Variants in SLC25A21 observed in about 807,000 individuals in gnomAD.
SLC25A21 encodes the protein solute carrier family 25 member 21, also known as mitochondrial 2-oxodicarboxylate carrier.
Under a neutral mutation model 43.8 loss-of-function variants are expected in SLC25A21, and 47 were observed. The observed-to-expected ratio is 1.07, with a 90% CI of 0.85 to 1.37. The LOEUF is 1.37. SLC25A21 is among the 40% of genes most tolerant of loss of function. The pLI is 0.00. For missense variants in SLC25A21, 352 were observed against 350.2 expected (o/e 1.00, Z -0.04); for synonymous variants, 131 against 121.3 (o/e 1.08, Z -0.52).
At chr14:37,034,650 G>A (rs1038699313) in intron 1 of SLC25A21, among the ~76,000 whole-genome samples, 31 of 152,130 alleles carry the variant, frequency 2.0e-4, no homozygotes, top group Admixed American at 8.5e-4. Flanking sequence ...AAAAACACCC[G>A]CGTGCATCCA....
In SLC25A21 at chr14:36,680,046, T is replaced by C. The variant is rs1328615756; in HGVS notation, c.*612A>G. On this transcript the variant is annotated 3_prime_UTR_variant, in exon 10 of 10. Transcript: ENST00000331299. ...GAGATATAAAGTAGATGTAGGAAAA[T>C]AGAGCTGATATGTGCATAGTTACTA... 1 of 865,754 alleles carries C rather than the reference T, an allele frequency of 1.2e-6. No individual in the cohort carries two copies. The highest frequency in any genetic ancestry group is 1.2e-4 in the East Asian group (1 of 8,012). 53.6% of individuals were successfully genotyped at this position (865,754 alleles called of 1,614,324 possible).
chr14:36,772,225 T>C (rs1886645883), intron 3 of SLC25A21, among the ~76,000 whole-genome samples: 1 of 152,150 alleles, frequency 6.6e-6, no homozygotes, highest in African/African-American at 2.4e-5. Flanking sequence ...ATATTTCAAG[T>C]GTAGCAGAAG....
At chr14:37,103,019 C>G (rs1962845910) in intron 1 of SLC25A21, among the ~76,000 whole-genome samples, 1 of 151,646 alleles carries the variant, frequency 6.6e-6, no homozygotes, top group Non-Finnish European at 1.5e-5. Context: ...CAAAGTCAAA[C>G]CATACTGTTT....
chr14:37,010,887 G>A (rs955342587), intron 1 of SLC25A21, among the ~76,000 whole-genome samples: 4 of 152,010 alleles, frequency 2.6e-5, no homozygotes, highest in Admixed American at 6.6e-5. Context: ...TGGGACTAGC[G>A]GTACGCACCG....
At chr14:37,019,776 A>G (rs1050912576) in intron 1 of SLC25A21, among the ~76,000 whole-genome samples, 1 of 151,918 alleles carries the variant, frequency 6.6e-6, no homozygotes, top group African/African-American at 2.4e-5. Flanking sequence ...TTGGGGCTGG[A>G]AAGACAGGTA....
At chr14:37,169,795 T>C (rs1964091577) in intron 1 of SLC25A21, among the ~76,000 whole-genome samples, 1 of 152,112 alleles carries the variant, frequency 6.6e-6, no homozygotes, top group African/African-American at 2.4e-5. Flanking sequence ...TATGAAAATG[T>C]TTTTGGCCAA....
At chr14:37,163,358 G>C (rs1214167610) in intron 1 of SLC25A21, among the ~76,000 whole-genome samples, 3 of 151,898 alleles carry the variant, frequency 2.0e-5, no homozygotes, top group Non-Finnish European at 4.4e-5. Context: ...AGTTTGTGGT[G>C]CATTTTTCTG....
intron 2 of SLC25A21, among the ~76,000 whole-genome samples, chr14:36,822,060 A>G (rs943094237): frequency 1.3e-5 from 2 of 152,192 alleles, no homozygotes; most frequent in Non-Finnish European, 2.9e-5. Context: ...GTCCTGCCCT[A>G]TAGAAGAGAA....
intron 1 of SLC25A21, among the ~76,000 whole-genome samples, chr14:37,071,997 C>A (rs1012688890): frequency 6.6e-6 from 1 of 151,698 alleles, no homozygotes; most frequent in Non-Finnish European, 1.5e-5. Context: ...GCCTGGCCAA[C>A]GTGGTGAAAC....
At chr14:37,154,647 T>G (rs961209396) in intron 1 of SLC25A21, among the ~76,000 whole-genome samples, 1 of 150,676 alleles carries the variant, frequency 6.6e-6, no homozygotes, top group Non-Finnish European at 1.5e-5. Context: ...AGATAGATTT[T>G]TTTTTTTTTT....
At chr14:36,824,246 T>C (rs1888738142) in intron 2 of SLC25A21, among the ~76,000 whole-genome samples, 1 of 152,150 alleles carries the variant, frequency 6.6e-6, no homozygotes, top group African/African-American at 2.4e-5. Context: ...TTGCTTATAC[T>C]AGGAAAAAAA....
chr14:36,874,737 A>C (rs1242238038), intron 2 of SLC25A21, among the ~76,000 whole-genome samples: 1 of 152,226 alleles, frequency 6.6e-6, no homozygotes, highest in Non-Finnish European at 1.5e-5. Context: ...TGTCATATAA[A>C]GGCAGTAAAA....
chr14:36,859,768 A>C (rs1011488402), intron 2 of SLC25A21, among the ~76,000 whole-genome samples: 4 of 152,224 alleles, frequency 2.6e-5, no homozygotes, highest in Non-Finnish European at 5.9e-5. Context: ...AAGTAGCCAA[A>C]GAAATATAAG....
chr14:37,160,005 C>G (rs1216991350), intron 1 of SLC25A21, among the ~76,000 whole-genome samples: 1 of 152,022 alleles, frequency 6.6e-6, no homozygotes, highest in Non-Finnish European at 1.5e-5. Context: ...CAAATCAAAA[C>G]CACAATGAGA....
At chr14:36,715,909 G>A (rs1884110754) in intron 6 of SLC25A21, among the ~76,000 whole-genome samples, 1 of 152,030 alleles carries the variant, frequency 6.6e-6, no homozygotes, top group Non-Finnish European at 1.5e-5. Flanking sequence ...TGGCCAATGT[G>A]GTGAAACCCT....
chr14:36,952,289 C>T (rs539927863), intron 1 of SLC25A21: 10 of 153,870 alleles, frequency 6.5e-5, no homozygotes, highest in African/African-American at 2.4e-4. Flanking sequence ...AAATGATTGT[C>T]TTCTTTCCTT....
At chr14:36,684,696 A>G (rs1882449688) in intron 8 of SLC25A21, 48 bp downstream of exon 8, 2 of 1,529,392 alleles carry the variant, frequency 1.3e-6, no homozygotes, top group Non-Finnish European at 1.8e-6. Flanking sequence ...CGGTTCTAAC[A>G]ATACGTGAGC....
At chr14:37,120,762 G>A (rs189528900) in intron 1 of SLC25A21, among the ~76,000 whole-genome samples, 125 of 152,198 alleles carry the variant, frequency 8.2e-4, no homozygotes, top group African/African-American at 2.9e-3. Flanking sequence ...CCTCTTCTTG[G>A]TGGTGTTACC....
chr14:36,800,183 T>C (rs372626322), intron 3 of SLC25A21, among the ~76,000 whole-genome samples: 4 of 152,168 alleles, frequency 2.6e-5, no homozygotes, highest in East Asian at 1.9e-4. Flanking sequence ...CTGTTAAACA[T>C]AGAATTATCA....
Sources: allele counts gnomAD v4.1 joint callset (sites outside exome capture counted in the v4.1 genomes callset), GRCh38; gene constraint gnomAD v4.1.1; transcripts MANE v1.5; gene names NCBI Gene and HGNC (gene_info 2026-07-23, HGNC 2026-07-21).